Variants in NSUN7 observed in about 807,000 individuals in gnomAD.
The protein encoded by NSUN7 is protein NSUN7.
Under a neutral mutation model 58.5 loss-of-function variants are expected in NSUN7, and 39 were observed. That is an observed-to-expected ratio of 0.67 (90% confidence interval 0.52 to 0.87). NSUN7 has a LOEUF of 0.87. NSUN7 is among the 40% of genes least tolerant of loss of function. NSUN7 has a pLI of 0.00. For missense variants in NSUN7, 765 were observed against 844.1 expected, an observed-to-expected ratio of 0.91 and a Z score of 1.16; for synonymous variants, 278 against 303.7, an observed-to-expected ratio of 0.92 and a Z score of 0.88.
intron 10 of NSUN7, among the ~76,000 whole-genome samples, chr4:40,806,388 A>G (rs1743808692): frequency 6.6e-6 from 1 of 152,184 alleles, no homozygotes; most frequent in Non-Finnish European, 1.5e-5. Context: ...TATTTTAATA[A>G]TATAAGCCTG....
intron 3 of NSUN7, 121 bp from the exon 4 acceptor site, chr4:40,761,050 T>G: frequency 1.4e-6 from 1 of 729,524 alleles, no homozygotes; most frequent in Non-Finnish European, 2.2e-6. Context: ...CCAATCAGAC[T>G]ATGTAAAAAT....
At chr4:40,763,190 C>G (rs1431135317) in intron 4 of NSUN7, among the ~76,000 whole-genome samples, 1 of 152,150 alleles carries the variant, frequency 6.6e-6, no homozygotes, top group Non-Finnish European at 1.5e-5. Flanking sequence ...CTGAGGTACT[C>G]TGGAAGTTTA....
At position 40,798,876 on chromosome 4, in the gene NSUN7, G is replaced by T. The variant is rs1402937144; in HGVS notation, c.1372G>T (p.Asp458Tyr). ...TGTTAAGAAAGCACTGGAATTTCAAGACCTTGGGAATAAAGGACAACCTTA... is the reference window on the plus strand; with the variant it reads ...TGTTAAGAAAGCACTGGAATTTCAATACCTTGGGAATAAAGGACAACCTTA... ...AVVKKALEFQ[D>Y]LGNKGQPYRL... Residue 458 changes from aspartate to tyrosine, a missense_variant, in exon 10 of 12, where the codon GAC (aspartate) becomes TAC (tyrosine). Asp to Tyr is a radical substitution (Grantham distance 160). Coordinates refer to ENST00000381782, the MANE Select transcript of NSUN7 (RefSeq NM_024677.6). 3.0e-5 allele frequency: 48 copies of T among 1,608,960 alleles called. No homozygotes were observed. The highest frequency in any genetic ancestry group is 4.0e-5 in the Non-Finnish European group (47 of 1,176,160).
Position 40,790,588 on chromosome 4 carries a change from T to C in NSUN7, c.1037-14T>C. 2 of 1,452,510 alleles carry C rather than the reference T, an allele frequency of 1.4e-6. No homozygotes were observed. Among genetic ancestry groups the C allele is most frequent in the Non-Finnish European group, 9.5e-7 (1 of 1,055,450 alleles). The allele number at this position is 1,452,510 out of a possible 1,614,324, so 90.0% of individuals were successfully genotyped here. ...TTAATATTTTACATTAAATTTTCTGTGTTTTTTCCCCAGATATTGAAATAC... is the reference window on the plus strand; with the variant it reads ...TTAATATTTTACATTAAATTTTCTGCGTTTTTTCCCCAGATATTGAAATAC... On this transcript the variant is annotated splice_polypyrimidine_tract_variant and intron_variant, in intron 7 of 11. Transcript: ENST00000381782.
At chr4:40,806,538 T>G (rs186167188) in intron 10 of NSUN7, among the ~76,000 whole-genome samples, 153 of 152,322 alleles carry the variant, frequency 1.0e-3, no homozygotes, top group South Asian at 5.6e-3. Flanking sequence ...GTTATGTACT[T>G]TCTTGAACAC....
chr4:40,776,975 AC>A (rs1387767682), intron 7 of NSUN7, among the ~76,000 whole-genome samples: 6 of 152,224 alleles, frequency 3.9e-5, no homozygotes, highest in African/African-American at 1.4e-4. Context: ...GATCATTCTA[AC>A]TAAAGATTAC....
At chr4:40,780,223 C>T (rs750395532) in intron 7 of NSUN7, among the ~76,000 whole-genome samples, 50 of 152,138 alleles carry the variant, frequency 3.3e-4, no homozygotes, top group African/African-American at 1.1e-3. Context: ...GAGGTTGCAG[C>T]GAGCTGAGAT....
chr4:40,780,794 T>C (rs56008498), intron 7 of NSUN7, among the ~76,000 whole-genome samples: 14,188 of 88,102 alleles, frequency 0.16, 1,345 homozygotes, highest in African/African-American at 0.19. Flanking sequence ...CACATACACA[T>C]ATATATATAT....
intron 8 of NSUN7, among the ~76,000 whole-genome samples, chr4:40,792,768 TGTC>T (rs1484000563): frequency 8.5e-6 from 1 of 118,238 alleles, no homozygotes; most frequent in African/African-American, 3.3e-5. Context: ...AAAAAAAAGT[TGTC>T]GTATCCTGAA....
At chr4:40,776,410 C>G (rs1742272714) in intron 7 of NSUN7, 151 bp downstream of exon 7, 5 of 537,684 alleles carry the variant, frequency 9.3e-6, no homozygotes, top group African/African-American at 1.9e-5. Flanking sequence ...TCTTATCAGG[C>G]TGTCCTTGTT....
At chr4:40,803,304 T>A (rs1448674908) in intron 10 of NSUN7, among the ~76,000 whole-genome samples, 5 of 152,174 alleles carry the variant, frequency 3.3e-5, no homozygotes, top group African/African-American at 1.2e-4. Flanking sequence ...ATATACCCAG[T>A]AATGGGATGG....
chr4:40,798,307 A>G (rs937545670), intron 9 of NSUN7, among the ~76,000 whole-genome samples: 2 of 152,240 alleles, frequency 1.3e-5, no homozygotes, highest in Non-Finnish European at 2.9e-5. Context: ...GTATGAATCA[A>G]TGAGTGAATT....
In NSUN7 at chr4:40,809,168, A is replaced by G; in HGVS notation, c.*229A>G. Reference sequence around the variant, plus strand: ...AGCCAATCACTGCTGCTCTGAGAGGATCCAGTTAGAGACTCAGTATCAGCG... The same window carrying G: ...AGCCAATCACTGCTGCTCTGAGAGGGTCCAGTTAGAGACTCAGTATCAGCG... On this transcript the variant is annotated 3_prime_UTR_variant, in exon 12 of 12. Transcript: ENST00000381782. 2.2e-6 allele frequency: 1 copy of G among 455,328 alleles called. No individual in the cohort carries two copies. Among genetic ancestry groups the G allele is most frequent in the African/African-American group, 2.0e-5 (1 of 49,926 alleles). The allele number at this position is 455,328 out of a possible 1,614,324, so 28.2% of individuals were successfully genotyped here. A position where few individuals can be genotyped will look rare whatever the true frequency, so the allele number is the denominator to read the frequency against.
At chr4:40,782,124 C>G (rs533596209) in intron 7 of NSUN7, among the ~76,000 whole-genome samples, 2 of 151,858 alleles carry the variant, frequency 1.3e-5, no homozygotes, top group African/African-American at 2.4e-5. Context: ...GGATACAAAA[C>G]GAATATATAA....
intron 2 of NSUN7, among the ~76,000 whole-genome samples, chr4:40,760,139 A>G (rs2154286708): frequency 6.6e-6 from 1 of 152,284 alleles, no homozygotes; most frequent in Non-Finnish European, 1.5e-5. Context: ...CCTCTTTAAT[A>G]TTTTTCAAAG....
intron 3 of NSUN7, among the ~76,000 whole-genome samples, chr4:40,760,778 T>C (rs114261490): frequency 0.064 from 9,661 of 151,320 alleles, 412 homozygotes; most frequent in Non-Finnish European, 0.094. Flanking sequence ...GGAGAATTGC[T>C]TGAAAACCCA....
Position 40,807,112 on chromosome 4 carries a change from T to C in NSUN7, c.1452T>C (p.Ser484=). 1 of 1,551,384 alleles carries C rather than the reference T, an allele frequency of 6.4e-7. No individual in the cohort carries two copies. The highest frequency in any genetic ancestry group is 8.7e-7 in the Non-Finnish European group (1 of 1,146,568). ...GCTCCTTAAAGGAAATTCAATTGTC[T>C]ACTGATAAATTTTTCAGAATGGAAC... ...PLCSLKEIQL[S]TDKFFRMEPS... is the part of the protein sequence containing the mutation. Residue 484 remains serine (S), a synonymous_variant, in exon 11 of 12, where the codon TCT becomes TCC. Coordinates refer to ENST00000381782, the MANE Select transcript of NSUN7 (RefSeq NM_024677.6).
chr4:40,806,127 T>G (rs1457498141), intron 10 of NSUN7, among the ~76,000 whole-genome samples: 1 of 152,182 alleles, frequency 6.6e-6, no homozygotes, highest in Non-Finnish European at 1.5e-5. Flanking sequence ...CCCGAGTAGC[T>G]GGGATTACAG....
rs1157321058 is a variant in NSUN7, at chr4:40,754,535, CAT to C, written c.298+3545_298+3546del. On this transcript the variant is annotated intron_variant, in intron 2 of 11. Transcript: ENST00000381782. The stretch of plus-strand genomic sequence containing the variant: ...TATCAGTGTTCTGTCAATACTTTCA[CAT>C]GTGATATTTTGTAAACTTACATCTG... Among the ~76,000 whole-genome samples the C allele has an allele frequency of 3.9e-5, 6 of 152,308 alleles. No homozygotes were observed. The South Asian group carries it at 8.3e-4, about 21-fold the overall frequency.
Sources: gnomAD v4.1 joint callset for allele counts (sites outside exome capture counted in the v4.1 genomes callset) on GRCh38, gnomAD v4.1.1 for gene constraint, MANE v1.5 for transcripts, NCBI Gene and HGNC (gene_info 2026-07-23, HGNC 2026-07-21) for gene names.